TTC27: variants seen among roughly 807,000 people sequenced by gnomAD.
The protein encoded by TTC27 is tetratricopeptide repeat domain 27.
A neutral mutation model predicts 115.9 loss-of-function variants in TTC27; 79 were observed. The observed-to-expected ratio is 0.68, with a 90% CI of 0.57 to 0.82. The LOEUF (loss-of-function observed/expected upper bound fraction) is 0.82. Among genes scored for constraint, TTC27 ranks in the 40% least tolerant of loss-of-function variants. The pLI, the probability that TTC27 is intolerant of heterozygous loss-of-function variation, is 0.00. For synonymous variants in TTC27, 401 were observed against 356.0 expected, an observed-to-expected ratio of 1.13 and a Z score of -1.42; for missense variants, 1,054 against 993.1, an observed-to-expected ratio of 1.06 and a Z score of -0.82.
rs1318759123 is a variant in TTC27 at position 32,628,147 on chromosome 2, A to C, written c.-146A>C. Reference sequence around the variant, plus strand: ...CGCCTCCTTGAGGTAGTATCCGCACATGGAATTCTAGGGCCGCAGGTGTAT... The same window carrying C: ...CGCCTCCTTGAGGTAGTATCCGCACCTGGAATTCTAGGGCCGCAGGTGTAT... On this transcript the variant is annotated 5_prime_UTR_variant, in exon 1 of 20. It removes an upstream start codon present in the reference 5' UTR. Coordinates refer to ENST00000317907, the MANE Select transcript of TTC27 (RefSeq NM_017735.5). 2.7e-6 allele frequency: 2 copies of C among 729,916 alleles called. No individual in the cohort carries two copies. The highest frequency in any genetic ancestry group is 2.9e-5 in the East Asian group (1 of 34,394). 45.2% of individuals were successfully genotyped at this position (729,916 alleles called of 1,614,324 possible). A position where few individuals can be genotyped will look rare whatever the true frequency, so the allele number is the denominator to read the frequency against.
intron 5 of TTC27, among the ~76,000 whole-genome samples, chr2:32,655,347 A>T (rs550540907): frequency 9.9e-5 from 15 of 152,044 alleles, no homozygotes; most frequent in Non-Finnish European, 1.5e-4. Context: ...AAGTCTCATT[A>T]TATTGCTTAG....
chr2:32,764,313 C>A (rs988822347), intron 13 of TTC27, among the ~76,000 whole-genome samples: 1 of 151,976 alleles, frequency 6.6e-6, no homozygotes, highest in African/African-American at 2.4e-5. Flanking sequence ...TAAAGCAAGT[C>A]ATGCGAATTT....
At chr2:32,766,915 A>G (rs1482606059) in intron 13 of TTC27, among the ~76,000 whole-genome samples, 1 of 152,100 alleles carries the variant, frequency 6.6e-6, no homozygotes, top group Admixed American at 6.6e-5. Context: ...CCACCTGAGA[A>G]GCTGGGACTA....
At chr2:32,722,386 C>CTGTT (rs1442405839) in intron 10 of TTC27, among the ~76,000 whole-genome samples, 1 of 152,194 alleles carries the variant, frequency 6.6e-6, no homozygotes, top group African/African-American at 2.4e-5. Context: ...ATAGTTGCTA[C>CTGTT]TGTTTATACA....
intron 10 of TTC27, among the ~76,000 whole-genome samples, chr2:32,716,945 T>C (rs532461753): frequency 4.8e-4 from 73 of 152,038 alleles, no homozygotes; most frequent in African/African-American, 1.8e-3. Flanking sequence ...CCTCCAGCCT[T>C]AACCTCCCAA....
chr2:32,687,016 CGTATTTTTA>C (rs1559206183), intron 9 of TTC27, among the ~76,000 whole-genome samples: 1 of 151,794 alleles, frequency 6.6e-6, no homozygotes, highest in African/African-American at 2.4e-5. Context: ...AGCTAGTTTT[CGTATTTTTA>C]GTAGAGATGG....
At chr2:32,637,561 G>T (rs1463620107) in intron 3 of TTC27, among the ~76,000 whole-genome samples, 1 of 152,076 alleles carries the variant, frequency 6.6e-6, no homozygotes, top group Non-Finnish European at 1.5e-5. Context: ...TCAAGCTCTT[G>T]ACCTTATGAT....
intron 10 of TTC27, among the ~76,000 whole-genome samples, chr2:32,727,617 A>C (rs1042619494): frequency 2.6e-5 from 4 of 152,272 alleles, no homozygotes; most frequent in African/African-American, 9.6e-5. Flanking sequence ...CTTCAAACAA[A>C]ATATTATATT....
At chr2:32,747,358 C>A (rs540550857) in intron 12 of TTC27, among the ~76,000 whole-genome samples, 1 of 152,134 alleles carries the variant, frequency 6.6e-6, no homozygotes, top group Non-Finnish European at 1.5e-5. Flanking sequence ...GCATTTAATA[C>A]CCCTAACTTA....
chr2:32,692,148 T>C (rs1332381504), intron 9 of TTC27, among the ~76,000 whole-genome samples: 1 of 142,136 alleles, frequency 7.0e-6, no homozygotes, highest in Non-Finnish European at 1.5e-5. Context: ...CCCAAAGTGC[T>C]GGGATTATAG....
At position 32,693,307 on chromosome 2, in the gene TTC27, C is replaced by T. The variant is rs932795795; in HGVS notation, c.1120-9500C>T. On this transcript the variant is annotated intron_variant, in intron 9 of 19. Transcript: ENST00000317907. ...GCAAGACCTATTTTAAGACAGTGCT[C>T]ATCAAATTGGGGTCCCTGGACCAGC... 4.6e-5 allele frequency among the ~76,000 whole-genome samples: 7 copies of T among 152,276 alleles called. No homozygotes were observed. In the East Asian group the frequency reaches 1.4e-3, roughly 29 times the overall value.
chr2:32,781,265 A>T (rs895480585), intron 14 of TTC27, among the ~76,000 whole-genome samples: 3 of 152,198 alleles, frequency 2.0e-5, no homozygotes, highest in Admixed American at 1.3e-4. Context: ...TTCTCTCATT[A>T]TGTTCATGTT....
intron 5 of TTC27, among the ~76,000 whole-genome samples, chr2:32,663,676 GTATGTATT>G (rs879434899): frequency 5.0e-3 from 468 of 93,504 alleles, no homozygotes; most frequent in South Asian, 0.014. Context: ...ATGTATGTAT[GTATGTATT>G]TATTTATTTA....
intron 7 of TTC27, among the ~76,000 whole-genome samples, chr2:32,669,685 G>C (rs1256531557): frequency 2.0e-5 from 3 of 152,004 alleles, no homozygotes; most frequent in Non-Finnish European, 4.4e-5. Context: ...AGGAGTTCGA[G>C]ACCAACCTGG....
intron 5 of TTC27, among the ~76,000 whole-genome samples, chr2:32,658,313 C>G (rs1032099038): frequency 2.0e-5 from 3 of 152,050 alleles, no homozygotes; most frequent in Non-Finnish European, 4.4e-5. Context: ...TGTGGTCTTG[C>G]TATGTTGCCC....
chr2:32,743,624 C>T (rs1254662702), intron 12 of TTC27, among the ~76,000 whole-genome samples: 2 of 152,166 alleles, frequency 1.3e-5, no homozygotes, highest in African/African-American at 2.4e-5. Flanking sequence ...TCGCAAAATA[C>T]ACCATCAGGA....
At chr2:32,665,481 C>G (rs1572492462) in intron 6 of TTC27, among the ~76,000 whole-genome samples, 1 of 152,152 alleles carries the variant, frequency 6.6e-6, no homozygotes, top group Non-Finnish European at 1.5e-5. Flanking sequence ...TATTTACTAG[C>G]TAGTTCTTCA....
intron 8 of TTC27, among the ~76,000 whole-genome samples, chr2:32,677,803 A>G (rs1266045663): frequency 6.6e-6 from 1 of 152,264 alleles, no homozygotes; most frequent in Non-Finnish European, 1.5e-5. Flanking sequence ...ATCCTGGATC[A>G]GCAAGATCTA....
chr2:32,668,708 C>T (rs185534656), intron 7 of TTC27, among the ~76,000 whole-genome samples: 7 of 152,098 alleles, frequency 4.6e-5, no homozygotes, highest in African/African-American at 1.7e-4. Context: ...CCATGTAATA[C>T]ATGTTACAGG....
Sources: gnomAD v4.1 joint callset for allele counts (sites outside exome capture counted in the v4.1 genomes callset) on GRCh38, gnomAD v4.1.1 for gene constraint, MANE v1.5 for transcripts, NCBI Gene and HGNC (gene_info 2026-07-23, HGNC 2026-07-21) for gene names.